Variants in STXBP5L observed in about 807,000 individuals in gnomAD.
STXBP5L encodes the protein syntaxin-binding protein 5-like.
Under a neutral mutation model 144.5 loss-of-function variants are expected in STXBP5L, and 65 were observed. The observed-to-expected ratio is 0.45, with a 90% CI of 0.37 to 0.55. The LOEUF is 0.55. Among genes scored for constraint, STXBP5L ranks in the 20% least tolerant of loss-of-function variants. The pLI is 0.00. For synonymous variants in STXBP5L, 505 were observed against 469.6 expected (o/e 1.08, Z -0.97); for missense variants, 1,298 against 1,405.5 (o/e 0.92, Z 1.22).
intron 3 of STXBP5L, among the ~76,000 whole-genome samples, chr3:121,000,074 T>C (rs964074298): frequency 3.3e-5 from 5 of 152,170 alleles, no homozygotes; most frequent in Non-Finnish European, 5.9e-5. Context: ...GGGAATCTGA[T>C]GACTGTGTGT....
At chr3:121,262,763 G>A (rs1485847476) in intron 18 of STXBP5L, among the ~76,000 whole-genome samples, 3 of 152,124 alleles carry the variant, frequency 2.0e-5, no homozygotes, top group Non-Finnish European at 4.4e-5. Flanking sequence ...TCAGCACAAG[G>A]TAAACATACC....
intron 5 of STXBP5L, among the ~76,000 whole-genome samples, chr3:121,082,440 T>C (rs1320531572): frequency 1.3e-5 from 2 of 152,238 alleles, no homozygotes; most frequent in African/African-American, 4.8e-5. Context: ...TTGTTGACTT[T>C]GTGTCCTGCA....
At chr3:121,193,942 G>T (rs1396463103) in intron 9 of STXBP5L, among the ~76,000 whole-genome samples, 2 of 148,724 alleles carry the variant, frequency 1.3e-5, no homozygotes, top group African/African-American at 5.0e-5. Context: ...TGGACATTGT[G>T]CACATGTACA....
At chr3:120,983,327 G>C (rs968243973) in intron 3 of STXBP5L, among the ~76,000 whole-genome samples, 1 of 152,098 alleles carries the variant, frequency 6.6e-6, no homozygotes, top group African/African-American at 2.4e-5. Context: ...TCTCTCAGTG[G>C]GATCAGCAAA....
rs537618747 is a variant in STXBP5L at position 121,023,922 on chromosome 3, A to AT, written c.288-17769dup. ...AGGTGCCCACCACCACCCCCAGCTAATTTTTTTTTGTATTTTTAGTAGAGA... is the reference window on the plus strand; with the variant it reads ...AGGTGCCCACCACCACCCCCAGCTAATTTTTTTTTTGTATTTTTAGTAGAGA... On this transcript the variant is annotated intron_variant, in intron 3 of 26. Coordinates refer to ENST00000471454, the MANE Select transcript of STXBP5L (RefSeq NM_001308330.2). Among the ~76,000 whole-genome samples the AT allele has an allele frequency of 4.3e-3, 648 of 151,072 alleles. 3 individuals carry two copies. Among genetic ancestry groups the AT allele is most frequent in the Middle Eastern group, 0.01 (3 of 292 alleles).
intron 18 of STXBP5L, among the ~76,000 whole-genome samples, chr3:121,265,033 T>C (rs1417894864): frequency 6.6e-6 from 1 of 152,082 alleles, no homozygotes; most frequent in Non-Finnish European, 1.5e-5. Flanking sequence ...AGGGAGACTT[T>C]TACACCCCAC....
chr3:121,367,597 T>TG (rs1299045213), intron 20 of STXBP5L, among the ~76,000 whole-genome samples: 3 of 129,154 alleles, frequency 2.3e-5, no homozygotes, highest in South Asian at 2.6e-4. Context: ...CGACTCTTGT[T>TG]TTTTTTTTTT....
intron 9 of STXBP5L, among the ~76,000 whole-genome samples, chr3:121,187,734 G>T (rs1441793252): frequency 6.6e-6 from 1 of 151,948 alleles, no homozygotes; most frequent in African/African-American, 2.4e-5. Flanking sequence ...CCAATTAAAA[G>T]ACATAGTCTG....
chr3:121,071,864 T>C (rs763620147), intron 5 of STXBP5L, among the ~76,000 whole-genome samples: 1 of 152,166 alleles, frequency 6.6e-6, no homozygotes, highest in Non-Finnish European at 1.5e-5. Flanking sequence ...CCAAACACTA[T>C]CTCATAGGGT....
chr3:121,422,401 G>T lies in STXBP5L; in HGVS notation c.*3304G>T, dbSNP rs1167162893. Reference sequence around the variant, plus strand: ...CCCTATGATTTCCTTGGAAGATAAGGCCTTTTTAGTGTTACAGTAGAAAAT... The same window carrying T: ...CCCTATGATTTCCTTGGAAGATAAGTCCTTTTTAGTGTTACAGTAGAAAAT... On this transcript the variant is annotated 3_prime_UTR_variant, in exon 27 of 27. Coordinates refer to ENST00000471454, the MANE Select transcript of STXBP5L (RefSeq NM_001308330.2). 1 of 152,040 alleles carries T rather than the reference G, an allele frequency of 6.6e-6. No individual in the cohort carries two copies. The highest frequency in any genetic ancestry group is 1.9e-4 in the East Asian group (1 of 5,196). The allele number at this position is 152,040 out of a possible 1,614,324, so 9.4% of individuals were successfully genotyped here.
rs1314610009 is a variant in STXBP5L at position 121,196,166 on chromosome 3, CT to C, written c.878-9744del. ...CATGGGGATTTTAACAATATCAATT[CT>C]TTTTTTTTTTTTAAGACAGTCTTTC... On this transcript the variant is annotated intron_variant, in intron 9 of 26. Coordinates refer to ENST00000471454, the MANE Select transcript of STXBP5L (RefSeq NM_001308330.2). Among the ~76,000 whole-genome samples the C allele has an allele frequency of 2.4e-3, 341 of 139,910 alleles. 1 individual carries two copies. Among genetic ancestry groups the C allele is most frequent in the Admixed American group, 4.8e-3 (67 of 13,840 alleles). 91.8% of individuals were successfully genotyped at this position (139,910 alleles called of 152,430 possible).
intron 2 of STXBP5L, among the ~76,000 whole-genome samples, chr3:120,923,315 G>GT (rs961700971): frequency 4.6e-5 from 7 of 151,070 alleles, no homozygotes; most frequent in African/African-American, 1.7e-4. Context: ...CTTCTGTAGT[G>GT]TTTTTTTTAT....
chr3:120,922,867 T>C (rs1169404553), intron 2 of STXBP5L, among the ~76,000 whole-genome samples: 1 of 151,948 alleles, frequency 6.6e-6, no homozygotes, highest in Admixed American at 6.6e-5. Context: ...ATAATTCTGG[T>C]CTCATAGGAT....
chr3:121,125,194 C>T (rs987770144), intron 7 of STXBP5L, among the ~76,000 whole-genome samples: 12 of 151,996 alleles, frequency 7.9e-5, no homozygotes, highest in South Asian at 4.1e-4. Context: ...TATGGTTGGG[C>T]GCAGTGGCTC....
chr3:121,018,013 A>G (rs995024835), intron 3 of STXBP5L, among the ~76,000 whole-genome samples: 5 of 152,204 alleles, frequency 3.3e-5, no homozygotes, highest in Non-Finnish European at 7.3e-5. Flanking sequence ...CAGAAGTTCA[A>G]GGTTGCAGTG....
chr3:121,078,253 G>A (rs2042104524), intron 5 of STXBP5L, among the ~76,000 whole-genome samples: 2 of 151,658 alleles, frequency 1.3e-5, no homozygotes, highest in South Asian at 4.2e-4. Context: ...CAATCCCCTA[G>A]CCAGACATAA....
chr3:121,189,292 T>G (rs1392148181), intron 9 of STXBP5L, among the ~76,000 whole-genome samples: 1 of 152,234 alleles, frequency 6.6e-6, no homozygotes, highest in African/African-American at 2.4e-5. Context: ...ATGAAGTCCT[T>G]GCCCATGCCT....
At chr3:121,198,698 C>T (rs1456231634) in intron 9 of STXBP5L, among the ~76,000 whole-genome samples, 2 of 152,170 alleles carry the variant, frequency 1.3e-5, no homozygotes, top group Non-Finnish European at 2.9e-5. Flanking sequence ...CTGTTTTCTG[C>T]ATATCGCTAG....
chr3:121,382,613 C>A (rs2046345564), intron 22 of STXBP5L, among the ~76,000 whole-genome samples: 1 of 151,968 alleles, frequency 6.6e-6, no homozygotes, highest in Non-Finnish European at 1.5e-5. Flanking sequence ...ACCGGGCATT[C>A]CTCACAAGTT....
Sources: allele counts gnomAD v4.1 joint callset (sites outside exome capture counted in the v4.1 genomes callset), GRCh38; gene constraint gnomAD v4.1.1; transcripts MANE v1.5; gene names NCBI Gene and HGNC (gene_info 2026-07-23, HGNC 2026-07-21).